Variants in RYR2 observed in about 807,000 individuals in gnomAD.
RYR2 encodes ryanodine receptor 2, also known as cardiac muscle ryanodine receptor-calcium release channel.
In RYR2, 227 loss-of-function variants were observed where a neutral mutation model predicts 601.1. That is an observed-to-expected ratio of 0.38 (90% CI 0.34 to 0.42). The LOEUF (loss-of-function observed/expected upper bound fraction) is 0.42. RYR2 is among the 10% of genes least tolerant of loss of function. The pLI is 1.00. For missense variants in RYR2, 4,646 were observed against 6,156.5 expected (o/e 0.75, Z 8.21); for synonymous variants, 2,223 against 2,175.1 (o/e 1.02, Z -0.61).
intron 1 of RYR2, among the ~76,000 whole-genome samples, chr1:237,052,277 T>G (rs534226355): frequency 1.3e-5 from 2 of 152,286 alleles, no homozygotes; most frequent in East Asian, 3.9e-4. Context: ...AGGGGGATTG[T>G]GTCCTGTGTA....
intron 11 of RYR2, among the ~76,000 whole-genome samples, chr1:237,418,742 T>A (rs4579745): frequency 0.83 from 125,786 of 151,932 alleles, 52,757 homozygotes; most frequent in East Asian, 1. Flanking sequence ...TATATAAATT[T>A]ATTTCTTATA....
At chr1:237,639,932 A>G (rs1277962358) in intron 46 of RYR2, among the ~76,000 whole-genome samples, 1 of 152,142 alleles carries the variant, frequency 6.6e-6, no homozygotes. Flanking sequence ...TCTTTTACAT[A>G]TAAACTGGGC....
intron 45 of RYR2, 116 bp from the exon 46 acceptor site, chr1:237,638,899 G>A (rs1681154194): frequency 8.2e-7 from 1 of 1,219,178 alleles, no homozygotes; most frequent in Non-Finnish European, 1.2e-6. Context: ...GGCTTTATTA[G>A]TATATTGTTG....
chr1:237,351,912 G>A (rs939371288), intron 3 of RYR2, among the ~76,000 whole-genome samples: 1 of 143,854 alleles, frequency 7.0e-6, no homozygotes, highest in Non-Finnish European at 1.5e-5. Flanking sequence ...GACTGTAGGT[G>A]TAGAAATCCT....
At chr1:237,458,288 G>A (rs1033993214) in intron 16 of RYR2, among the ~76,000 whole-genome samples, 3 of 152,114 alleles carry the variant, frequency 2.0e-5, no homozygotes, top group African/African-American at 7.2e-5. Flanking sequence ...AATTAGCCGA[G>A]CGTGGTGGCG....
chr1:237,762,085 G>A (rs775745401), intron 84 of RYR2, among the ~76,000 whole-genome samples: 11 of 152,012 alleles, frequency 7.2e-5, no homozygotes, highest in Non-Finnish European at 1.3e-4. Flanking sequence ...TGTGGCTCCC[G>A]TGTTTATTTT....
chr1:237,347,747 G>A (rs543614342), intron 3 of RYR2, among the ~76,000 whole-genome samples: 10 of 151,880 alleles, frequency 6.6e-5, no homozygotes, highest in African/African-American at 2.2e-4. Context: ...TACTCCAGCT[G>A]TGGGAAAAAC....
At chr1:237,634,460 G>A (rs1053801774) in intron 43 of RYR2, among the ~76,000 whole-genome samples, 1 of 152,134 alleles carries the variant, frequency 6.6e-6, no homozygotes, top group Non-Finnish European at 1.5e-5. Context: ...CAGGTGTAGG[G>A]GGGAGTGGTT....
chr1:237,197,490 A>G (rs1680699302), intron 1 of RYR2, among the ~76,000 whole-genome samples: 1 of 152,242 alleles, frequency 6.6e-6, no homozygotes, highest in Admixed American at 6.5e-5. Context: ...ATATTGAGGC[A>G]AAGACTTTTC....
At position 237,165,127 on chromosome 1, in the gene RYR2, AT is replaced by A. The variant is rs781363135; in HGVS notation, c.49-105359del. ...CGCATGCACCATACCTGGCTAATTAATTTTTTTTTTTGTAGAGATGGGGTCT... is the reference window on the plus strand; with the variant it reads ...CGCATGCACCATACCTGGCTAATTAATTTTTTTTTTGTAGAGATGGGGTCT... On this transcript the variant is annotated intron_variant, in intron 1 of 104. Coordinates refer to ENST00000366574, the MANE Select transcript of RYR2 (RefSeq NM_001035.3). Among the ~76,000 whole-genome samples the A allele has an allele frequency of 1.6e-3, 233 of 146,870 alleles. 2 individuals carry two copies. Among genetic ancestry groups the A allele is most frequent in the African/African-American group, 4.3e-3 (175 of 40,300 alleles).
chr1:237,052,079 A>G (rs1269754027), intron 1 of RYR2, among the ~76,000 whole-genome samples: 2 of 152,188 alleles, frequency 1.3e-5, no homozygotes, highest in Non-Finnish European at 2.9e-5. Flanking sequence ...AGAGTAGGGT[A>G]ATTATATGCA....
intron 38 of RYR2, among the ~76,000 whole-genome samples, chr1:237,621,078 G>T (rs1679029212): frequency 6.6e-6 from 1 of 152,034 alleles, no homozygotes; most frequent in South Asian, 2.1e-4. Flanking sequence ...TTATCACATT[G>T]TTATCAAATT....
In RYR2 at chr1:237,831,821, A is replaced by G. The variant is rs148839218; in HGVS notation, c.14808+256A>G. Among the ~76,000 whole-genome samples the G allele has an allele frequency of 6.6e-3, 998 of 151,210 alleles. 12 individuals carry two copies. Among genetic ancestry groups the G allele is most frequent in the South Asian group, 0.021 (98 of 4,746 alleles). ...ATGCTGGATTTGAGTTTTGAATTCC[A>G]TTATTTTGAAAAATTGAGTTCTTAA... On this transcript the variant is annotated intron_variant, in intron 104 of 104. Coordinates refer to ENST00000366574, the MANE Select transcript of RYR2 (RefSeq NM_001035.3).
At chr1:237,766,278 T>C (rs966011072) in intron 84 of RYR2, among the ~76,000 whole-genome samples, 5 of 152,214 alleles carry the variant, frequency 3.3e-5, no homozygotes, top group East Asian at 1.9e-4. Flanking sequence ...CCACCTAGAA[T>C]TGAGTTCCTA....
At chr1:237,044,956 CTT>C (rs4006366) in intron 1 of RYR2, among the ~76,000 whole-genome samples, 40,576 of 144,522 alleles carry the variant, frequency 0.28, 5,679 homozygotes, top group Middle Eastern at 0.39. Flanking sequence ...TCTTCTTCTT[CTT>C]TTTTTTTTTT....
intron 2 of RYR2, among the ~76,000 whole-genome samples, chr1:237,321,535 G>A (rs1360254605): frequency 2.0e-5 from 3 of 152,162 alleles, no homozygotes; most frequent in Non-Finnish European, 2.9e-5. Context: ...CACTAGGTTC[G>A]ATGTCATTGA....
chr1:237,264,011 T>C (rs1688786196), intron 1 of RYR2, among the ~76,000 whole-genome samples: 1 of 152,132 alleles, frequency 6.6e-6, no homozygotes, highest in South Asian at 2.1e-4. Flanking sequence ...GTTTTCTGTG[T>C]GTGTGACCTC....
In RYR2 at chr1:237,053,696, A is replaced by G. The variant is rs191937128; in HGVS notation, c.48+11127A>G. Among the ~76,000 whole-genome samples the G allele has an allele frequency of 3.3e-5, 5 of 152,256 alleles. No individual in the cohort carries two copies. In the East Asian group the frequency reaches 9.7e-4, roughly 29 times the overall value. ...ATCCACGCTTGTCCTGCCTTTAAAG[A>G]GCTTATTCTGTCTCTATGGGTGGGA... On this transcript the variant is annotated intron_variant, in intron 1 of 104. Transcript: ENST00000366574.
rs74150116 is a variant in RYR2 at position 237,558,185 on chromosome 1, G to A, written c.3214+7494G>A. On this transcript the variant is annotated intron_variant, in intron 27 of 104. Transcript: ENST00000366574. ...AACACTTATTCCCCTAAGGTTAGTA[G>A]GAAAGAAGTAAAGATTGAAGACGCT... Among the ~76,000 whole-genome samples, 1,026 of 152,202 alleles carry A rather than the reference G, an allele frequency of 6.7e-3. 8 individuals carry two copies. Among genetic ancestry groups the A allele is most frequent in the African/African-American group, 0.024 (989 of 41,506 alleles).
Sources: gnomAD v4.1 joint callset for allele counts (sites outside exome capture counted in the v4.1 genomes callset) on GRCh38, gnomAD v4.1.1 for gene constraint, MANE v1.5 for transcripts, NCBI Gene and HGNC (gene_info 2026-07-23, HGNC 2026-07-21) for gene names.